The following PCLO variants were observed in gnomAD, a reference collection of about 807,000 sequenced individuals.
The protein encoded by PCLO is protein piccolo.
Under a neutral mutation model 427.5 loss-of-function variants are expected in PCLO, and 82 were observed. That is an observed-to-expected ratio of 0.19 (90% CI 0.16 to 0.23). The LOEUF is 0.23. Ranked by LOEUF, PCLO falls within the 10% of genes least tolerant of loss-of-function variation. The pLI is 1.00. For missense variants in PCLO, 6,239 were observed against 6,115.9 expected, an observed-to-expected ratio of 1.02 and a Z score of -0.67; for synonymous variants, 2,357 against 2,155.4, an observed-to-expected ratio of 1.09 and a Z score of -2.59.
At chr7:82,904,217 C>T (rs1794126016) in intron 8 of PCLO, among the ~76,000 whole-genome samples, 1 of 151,744 alleles carries the variant, frequency 6.6e-6, no homozygotes, top group East Asian at 1.9e-4. Flanking sequence ...GTAACAAGTG[C>T]TTACATTTTT....
chr7:83,075,005 A>T (rs180833303), intron 3 of PCLO, among the ~76,000 whole-genome samples: 4 of 152,302 alleles, frequency 2.6e-5, no homozygotes, highest in Admixed American at 2.0e-4. Context: ...CTGAAGGATA[A>T]AATCAATCCA....
At chr7:83,004,316 A>T (rs1048783168) in intron 3 of PCLO, among the ~76,000 whole-genome samples, 3 of 151,806 alleles carry the variant, frequency 2.0e-5, no homozygotes, top group Non-Finnish European at 2.9e-5. Context: ...AGACACATAG[A>T]ACAATGAAAT....
At chr7:83,145,529 C>T (rs1177068409) in intron 2 of PCLO, among the ~76,000 whole-genome samples, 1 of 152,132 alleles carries the variant, frequency 6.6e-6, no homozygotes, top group African/African-American at 2.4e-5. Flanking sequence ...GTCAGCGAAT[C>T]TCACTTCTTG....
chr7:83,083,169 T>C (rs1270415019), intron 3 of PCLO, among the ~76,000 whole-genome samples: 3 of 151,992 alleles, frequency 2.0e-5, no homozygotes, highest in East Asian at 1.9e-4. Context: ...TAAATGTTTA[T>C]TGAGAAATAT....
At chr7:82,923,487 A>C (rs2116308249) in intron 6 of PCLO, among the ~76,000 whole-genome samples, 1 of 152,272 alleles carries the variant, frequency 6.6e-6, no homozygotes, top group African/African-American at 2.4e-5. Flanking sequence ...CATACCAGTC[A>C]AATTAACTCC....
At chr7:82,864,995 A>G (rs4377905) in intron 10 of PCLO, among the ~76,000 whole-genome samples, 5,720 of 152,214 alleles carry the variant, frequency 0.038, 191 homozygotes, top group East Asian at 0.15. Context: ...GCACTCTAAA[A>G]TATTGAGAGA....
intron 22 of PCLO, among the ~76,000 whole-genome samples, chr7:82,781,540 T>G (rs1028697705): frequency 6.7e-6 from 1 of 148,258 alleles, no homozygotes; most frequent in African/African-American, 2.5e-5. Flanking sequence ...TGCTAATGCA[T>G]GTAATTACAT....
intron 20 of PCLO, among the ~76,000 whole-genome samples, chr7:82,820,074 T>C (rs570373656): frequency 6.6e-6 from 1 of 152,270 alleles, no homozygotes; most frequent in Admixed American, 6.5e-5. Flanking sequence ...TGGATGTAAA[T>C]TTGCTTTCCT....
At chr7:83,121,461 A>C (rs1791277165) in intron 3 of PCLO, among the ~76,000 whole-genome samples, 1 of 152,102 alleles carries the variant, frequency 6.6e-6, no homozygotes, top group South Asian at 2.1e-4. Context: ...CAGAAAAGAA[A>C]GAAGAGAAAA....
At chr7:83,142,555 AACTATT>A (rs564906279) in intron 2 of PCLO, among the ~76,000 whole-genome samples, 13 of 152,208 alleles carry the variant, frequency 8.5e-5, no homozygotes, top group Non-Finnish European at 1.8e-4. Context: ...GCTGTTTTTC[AACTATT>A]ACAGTACCAT....
chr7:83,012,505 T>C (rs1018298095), intron 3 of PCLO, among the ~76,000 whole-genome samples: 3 of 151,130 alleles, frequency 2.0e-5, no homozygotes, highest in Non-Finnish European at 2.9e-5. Context: ...TAATCCCAGC[T>C]ACTCAGGAGG....
chr7:82,951,598 T>A (rs774374710), intron 5 of PCLO, 108 bp from the exon 6 acceptor site: 5 of 871,940 alleles, frequency 5.7e-6, no homozygotes, highest in Non-Finnish European at 8.7e-6. Flanking sequence ...TGCATGCAAA[T>A]CCACAGGGTA....
intron 3 of PCLO, among the ~76,000 whole-genome samples, chr7:82,984,932 C>T (rs927179180): frequency 4.6e-5 from 7 of 151,828 alleles, no homozygotes; most frequent in African/African-American, 1.5e-4. Flanking sequence ...TAGAGTACTG[C>T]ATAAAATCAA....
chr7:82,916,374 T>C lies in PCLO; in HGVS notation c.11612A>G (p.Gln3871Arg), dbSNP rs1462905963. The change falls in exon 7 of 25, where the codon CAA (glutamine) becomes CGA (arginine). Residue 3871 changes from glutamine (Q) to arginine (R), a missense_variant. By Grantham distance (43) the Gln-to-Arg change is conservative (BLOSUM62 1). This residue lies in a region of PCLO where 680 missense variants were observed against 677.3 expected (regional missense o/e 1.00). Coordinates refer to ENST00000333891, the MANE Select transcript of PCLO (RefSeq NM_033026.6). Reference sequence around the variant, plus strand: ...AACTAGTTGAGATTCTGTTTGGGTTTGTGGTGGTATAAACTGGCTGAATTC... The same window carrying C: ...AACTAGTTGAGATTCTGTTTGGGTTCGTGGTGGTATAAACTGGCTGAATTC... ...QTEFSQFIPP[Q>R]TQTESQLVPP... The C allele has an allele frequency of 2.5e-6, 4 of 1,613,688 alleles. No individual in the cohort carries two copies. The South Asian group carries it at 3.3e-5, about 13-fold the overall frequency.
At chr7:82,909,111 T>A in intron 7 of PCLO, 98 bp from the exon 8 acceptor site, 1 of 1,166,424 alleles carries the variant, frequency 8.6e-7, no homozygotes, top group South Asian at 1.4e-5. Context: ...ACTAGGCTTG[T>A]TAACCATACA....
intron 3 of PCLO, among the ~76,000 whole-genome samples, chr7:83,093,494 T>A (rs865816969): frequency 0.028 from 1,981 of 70,464 alleles, 72 homozygotes; most frequent in African/African-American, 0.071. Context: ...ATATATATAT[T>A]TTTTTTTTTT....
chr7:83,155,253 T>G lies in PCLO; in HGVS notation c.1388A>C (p.Gln463Pro). The change falls in exon 2 of 25, where the codon CAG becomes CCG. Residue 463 changes from glutamine (Q) to proline (P), a missense_variant. Around this residue, in one of 5 missense-constraint regions of PCLO, gnomAD observed 4,677 missense variants for 4,468.4 expected, o/e 1.05. Transcript: ENST00000333891. ...TGAAGGAGGCTTTGTTGGGCCAGTC[T>G]GCTGGGCAGAAGTCTTTCCGGGTCC... Reference protein sequence around the residue: ...QAGPGKTSAQQTGPTKPPSQL... With the variant: ...QAGPGKTSAQPTGPTKPPSQL... The G allele has an allele frequency of 6.2e-7, 1 of 1,613,716 alleles. No homozygotes were observed. The highest frequency in any genetic ancestry group is 8.5e-7 in the Non-Finnish European group (1 of 1,179,830).
intron 9 of PCLO, among the ~76,000 whole-genome samples, chr7:82,898,248 T>C (rs1000015507): frequency 6.6e-6 from 1 of 151,484 alleles, no homozygotes; most frequent in Non-Finnish European, 1.5e-5. Context: ...AATTCTGCCC[T>C]TGCATTACTA....
intron 2 of PCLO, among the ~76,000 whole-genome samples, chr7:83,139,338 T>G (rs1465481724): frequency 1.3e-5 from 2 of 152,206 alleles, no homozygotes; most frequent in African/African-American, 4.8e-5. Context: ...TGGGATGTAT[T>G]TGGTTTCATT....
Sources: gnomAD v4.1 joint callset for allele counts (sites outside exome capture counted in the v4.1 genomes callset) on GRCh38, gnomAD v4.1.1 for gene constraint, gnomAD v4.1.1 regional missense constraint, MANE v1.5 for transcripts, NCBI Gene and HGNC (gene_info 2026-07-23, HGNC 2026-07-21) for gene names.